Variants in PLEKHG1 observed in about 807,000 individuals in gnomAD.
PLEKHG1 encodes the protein pleckstrin homology and RhoGEF domain containing G1.
Under a neutral mutation model 100.8 loss-of-function variants are expected in PLEKHG1, and 44 were observed. The observed-to-expected ratio is 0.44, with a 90% CI of 0.34 to 0.56. The LOEUF (loss-of-function observed/expected upper bound fraction) is 0.56. PLEKHG1 is among the 20% of genes least tolerant of loss of function. PLEKHG1 has a pLI of 0.01. For synonymous variants in PLEKHG1, 640 were observed against 662.5 expected, an observed-to-expected ratio of 0.97 and a Z score of 0.52; for missense variants, 1,545 against 1,720.9, an observed-to-expected ratio of 0.90 and a Z score of 1.81.
At chr6:150,827,731 G>A in intron 14 of PLEKHG1, 1 of 1,349,788 alleles carries the variant, frequency 7.4e-7, no homozygotes, top group Non-Finnish European at 1.1e-6. Context: ...TACCCGCCAA[G>A]GAAAGAATTG....
intron 15 of PLEKHG1, 133 bp from the exon 17 acceptor site, chr6:150,839,700 C>T (rs1700545405): frequency 1.6e-6 from 1 of 615,870 alleles, no homozygotes. Flanking sequence ...ATTACTCATC[C>T]TTAGACATCA....
In PLEKHG1 at chr6:150,819,568, A is replaced by AAAT. The variant is rs553396558; in HGVS notation, c.1313-90_1313-88dup. The AAAT allele has an allele frequency of 1.4e-3, 743 of 512,512 alleles. 7 individuals carry two copies. The highest frequency in any genetic ancestry group is 1.0e-2 in the African/African-American group (496 of 49,772). 31.7% of individuals were successfully genotyped at this position (512,512 alleles called of 1,614,324 possible). On this transcript the variant is annotated intron_variant, in intron 11 of 15. Transcript: ENST00000358517. ...GTGACAGAGCAAGACTCTGTCTCAA[A>AAAT]AATAATAATAATAATAATAATAAAT... is the stretch of plus-strand genomic sequence containing the variant.
chr6:150,675,148 C>T (rs1582925540), intron 3 of PLEKHG1, among the ~76,000 whole-genome samples: 1 of 152,150 alleles, frequency 6.6e-6, no homozygotes, highest in East Asian at 1.9e-4. Flanking sequence ...TGCCAGCAGA[C>T]AGTATAGGGC....
intron 1 of PLEKHG1, among the ~76,000 whole-genome samples, chr6:150,601,716 A>G (rs915850462): frequency 3.3e-5 from 5 of 152,208 alleles, no homozygotes; most frequent in Non-Finnish European, 7.3e-5. Context: ...CAATGGCTGC[A>G]CGACCTTCCC....
intron 1 of PLEKHG1, chr6:150,633,045 G>A (rs1162543371): frequency 1.3e-5 from 2 of 152,198 alleles, no homozygotes; most frequent in African/African-American, 4.8e-5. Flanking sequence ...CTTTTACTAA[G>A]CTGAAAGCAC....
At chr6:150,604,019 T>C (rs1313724509) in intron 1 of PLEKHG1, among the ~76,000 whole-genome samples, 1 of 152,218 alleles carries the variant, frequency 6.6e-6, no homozygotes, top group African/African-American at 2.4e-5. Flanking sequence ...CAGGGTGTTA[T>C]GGAGGCCTCT....
intron 1 of PLEKHG1, chr6:150,605,781 T>A (rs1245863571): frequency 2.0e-5 from 3 of 152,336 alleles, no homozygotes; most frequent in Middle Eastern, 3.4e-3. Context: ...TATACAGTTT[T>A]AAAATGTTCC....
At chr6:150,714,128 A>G (rs1781337008) in intron 3 of PLEKHG1, among the ~76,000 whole-genome samples, 1 of 152,216 alleles carries the variant, frequency 6.6e-6, no homozygotes, top group Admixed American at 6.5e-5. Flanking sequence ...ATGTGTCTGG[A>G]AGCCTACTGC....
chr6:150,630,344 T>C (rs1366308796), intron 1 of PLEKHG1, among the ~76,000 whole-genome samples: 2 of 152,168 alleles, frequency 1.3e-5, no homozygotes, highest in African/African-American at 4.8e-5. Flanking sequence ...GAGGTGACTG[T>C]ACCAGTCCAG....
At chr6:150,812,701 C>T (rs908387578) in intron 10 of PLEKHG1, among the ~76,000 whole-genome samples, 1 of 152,000 alleles carries the variant, frequency 6.6e-6, no homozygotes, top group Non-Finnish European at 1.5e-5. Flanking sequence ...GCTCGAATGC[C>T]GAGTCCATGA....
At chr6:150,741,318 T>C (rs1001753514) in intron 2 of PLEKHG1, among the ~76,000 whole-genome samples, 5 of 152,202 alleles carry the variant, frequency 3.3e-5, no homozygotes, top group Admixed American at 6.5e-5. Flanking sequence ...TTGTGACTGA[T>C]GTCAGGTTGG....
intron 3 of PLEKHG1, among the ~76,000 whole-genome samples, chr6:150,782,351 G>A (rs1041057693): frequency 7.8e-4 from 119 of 152,030 alleles, no homozygotes; most frequent in African/African-American, 2.7e-3. Context: ...CCGAAATCAC[G>A]TCATTGCACT....
intron 3 of PLEKHG1, among the ~76,000 whole-genome samples, chr6:150,780,033 AC>A (rs1352178895): frequency 6.6e-6 from 1 of 151,894 alleles, no homozygotes; most frequent in Non-Finnish European, 1.5e-5. Context: ...GAGGGCCTAT[AC>A]TGAAAGACCA....
Position 150,763,024 on chromosome 6 carries a change from C to CTTTTTTTTTTTTTTTTTTT in PLEKHG1, c.412-5612_412-5594dup, listed in dbSNP as rs60462437. Among the ~76,000 whole-genome samples, 182 of 76,488 alleles carry CTTTTTTTTTTTTTTTTTTT rather than the reference C, an allele frequency of 2.4e-3. 14 individuals are homozygous for CTTTTTTTTTTTTTTTTTTT. Among genetic ancestry groups the CTTTTTTTTTTTTTTTTTTT allele is most frequent in the East Asian group, 9.3e-3 (19 of 2,038 alleles). 50.2% of individuals were successfully genotyped at this position (76,488 alleles called of 152,430 possible). On this transcript the variant is annotated intron_variant, in intron 2 of 15. Transcript: ENST00000358517. ...AGCACCAACAGGAGGGATAAAGCTT[C>CTTTTTTTTTTTTTTTTTTT]TTTTTTTTTTTTTTTTTTTTGAGAC...
chr6:150,758,997 C>A (rs34254299), intron 2 of PLEKHG1, among the ~76,000 whole-genome samples: 7,651 of 152,268 alleles, frequency 0.05, 275 homozygotes, highest in Middle Eastern at 0.14. Flanking sequence ...TGATCGAATG[C>A]GTCTGCCCTG....
At chr6:150,665,145 C>T (rs868746689) in intron 3 of PLEKHG1, among the ~76,000 whole-genome samples, 4 of 152,134 alleles carry the variant, frequency 2.6e-5, no homozygotes, top group Non-Finnish European at 5.9e-5. Context: ...AACTGGGTTC[C>T]AGACTTGAAG....
At chr6:150,797,616 C>A (rs948511849) in intron 5 of PLEKHG1, among the ~76,000 whole-genome samples, 1 of 151,786 alleles carries the variant, frequency 6.6e-6, no homozygotes, top group Non-Finnish European at 1.5e-5. Flanking sequence ...AGGCACATCA[C>A]CTGAGGTCAG....
intron 7 of PLEKHG1, 116 bp downstream of exon 8, chr6:150,804,857 G>GT (rs1786963700): frequency 1.1e-6 from 1 of 931,324 alleles, no homozygotes; most frequent in Non-Finnish European, 1.6e-6. Context: ...CTTCAGTGTA[G>GT]TTCTCCCTGA....
intron 6 of PLEKHG1, 29 bp downstream of exon 7, chr6:150,800,898 C>A (rs769025361): frequency 1.2e-6 from 2 of 1,600,764 alleles, no homozygotes; most frequent in Non-Finnish European, 1.7e-6. Flanking sequence ...TGAGCACTTT[C>A]CAGGGGATGG....
Sources: allele counts gnomAD v4.1 joint callset (sites outside exome capture counted in the v4.1 genomes callset), GRCh38; gene constraint gnomAD v4.1.1; transcripts MANE v1.5; gene names NCBI Gene and HGNC (gene_info 2026-07-23, HGNC 2026-07-21).